The following MAGI2 variants were observed in gnomAD, a reference collection of about 807,000 sequenced individuals.
The protein encoded by MAGI2 is membrane-associated guanylate kinase, WW and PDZ domain-containing protein 2.
MAGI2 carries 35 observed loss-of-function variants against 133.3 expected under a neutral mutation model. The ratio of observed to expected loss-of-function variants is 0.26; its 90% CI spans 0.20 to 0.35. MAGI2 has a LOEUF of 0.35. Ranked by LOEUF, MAGI2 falls within the 10% of genes least tolerant of loss-of-function variation. MAGI2 has a pLI of 1.00. For synonymous variants in MAGI2, 729 were observed against 710.6 expected, an observed-to-expected ratio of 1.03 and a Z score of -0.41; for missense variants, 1,636 against 1,863.4, an observed-to-expected ratio of 0.88 and a Z score of 2.25.
At chr7:78,175,802 G>T (rs976100699) in intron 14 of MAGI2, among the ~76,000 whole-genome samples, 4 of 152,086 alleles carry the variant, frequency 2.6e-5, no homozygotes, top group African/African-American at 9.7e-5. Flanking sequence ...TTCAATTATG[G>T]AGTACTCATG....
intron 1 of MAGI2, among the ~76,000 whole-genome samples, chr7:79,378,924 GTGTATATATATATATATATATATATATA>G (rs1310299901): frequency 3.5e-4 from 17 of 48,232 alleles, no homozygotes; most frequent in South Asian, 2.4e-3. Context: ...ATATGTGTGT[GTGTATATATATATATATATATATATATA>G]TATATATATA....
rs546418152 is a variant in MAGI2, at chr7:78,893,875, A to G, written c.418+113215T>C. 2.6e-5 allele frequency among the ~76,000 whole-genome samples: 4 copies of G among 152,292 alleles called. No individual in the cohort carries two copies. The East Asian group carries it at 7.7e-4, about 29-fold the overall frequency. On this transcript the variant is annotated intron_variant, in intron 2 of 21. Transcript: ENST00000354212. ...CATGTACCCTAAAACTTAAAGTATA[A>G]TAATAATAAAAAAAAGAATTTCCAA...
At chr7:79,041,060 A>G (rs770622779) in intron 1 of MAGI2, among the ~76,000 whole-genome samples, 4 of 152,186 alleles carry the variant, frequency 2.6e-5, no homozygotes, top group Non-Finnish European at 5.9e-5. Flanking sequence ...TGATCATTAC[A>G]CATTCTACAC....
chr7:79,227,318 T>C (rs1289124451), intron 1 of MAGI2, among the ~76,000 whole-genome samples: 1 of 152,174 alleles, frequency 6.6e-6, no homozygotes, highest in African/African-American at 2.4e-5. Flanking sequence ...TAATGTAAAT[T>C]CTCTCCATGC....
intron 1 of MAGI2, among the ~76,000 whole-genome samples, chr7:79,334,641 A>G (rs1258573827): frequency 6.6e-6 from 1 of 152,166 alleles, no homozygotes; most frequent in African/African-American, 2.4e-5. Flanking sequence ...ACTTTTAGAA[A>G]TAGTAATGTT....
chr7:79,344,711 A>T (rs777914692), intron 1 of MAGI2, among the ~76,000 whole-genome samples: 1 of 152,176 alleles, frequency 6.6e-6, no homozygotes, highest in Non-Finnish European at 1.5e-5. Flanking sequence ...ACTAAATGGC[A>T]TACTTAGGAA....
chr7:79,161,658 G>A (rs1824367383), intron 1 of MAGI2, among the ~76,000 whole-genome samples: 1 of 152,010 alleles, frequency 6.6e-6, no homozygotes, highest in Non-Finnish European at 1.5e-5. Flanking sequence ...GTTTGCAAAT[G>A]GTATTTTCAA....
rs928799494 is a variant in MAGI2, at chr7:79,214,763, TATAA to T, written c.302-207561_302-207558del. ...TAAATATATAAATACATATATGATA[TATAA>T]ATAGATAATATAAAAATATATATTA... On this transcript the variant is annotated intron_variant, in intron 1 of 21. Transcript: ENST00000354212. Among the ~76,000 whole-genome samples the T allele has an allele frequency of 6.3e-5, 9 of 141,776 alleles. No homozygotes were observed. The East Asian group carries it at 1.0e-3, about 16-fold the overall frequency. The allele number at this position is 141,776 out of a possible 152,430, so 93.0% of individuals were successfully genotyped here. A position where few individuals can be genotyped will look rare whatever the true frequency, so the allele number is the denominator to read the frequency against.
intron 3 of MAGI2, among the ~76,000 whole-genome samples, chr7:78,569,651 TTTAC>T (rs773158006): frequency 1.4e-4 from 21 of 152,204 alleles, no homozygotes; most frequent in Non-Finnish European, 2.8e-4. Context: ...TTTAAAACTT[TTTAC>T]TTATTCAAAC....
At chr7:79,010,456 G>A (rs1468540998) in intron 1 of MAGI2, among the ~76,000 whole-genome samples, 1 of 152,022 alleles carries the variant, frequency 6.6e-6, no homozygotes, top group Non-Finnish European at 1.5e-5. Flanking sequence ...TTTAAAGCAA[G>A]CTAAAAAATA....
chr7:79,437,406 G>A (rs949140934), intron 1 of MAGI2, among the ~76,000 whole-genome samples: 1 of 151,988 alleles, frequency 6.6e-6, no homozygotes, highest in African/African-American at 2.4e-5. Context: ...TCTTTAAGGT[G>A]TACAGGATGG....
chr7:79,123,630 A>C (rs1366346036), intron 1 of MAGI2, among the ~76,000 whole-genome samples: 3 of 151,904 alleles, frequency 2.0e-5, no homozygotes, highest in Non-Finnish European at 4.4e-5. Flanking sequence ...TACTAAAAAT[A>C]CAAAAATTAG....
rs535814948 is a variant in MAGI2 at position 78,329,510 on chromosome 7, C to A, written c.1408+14268G>T. On this transcript the variant is annotated intron_variant, in intron 9 of 21. Transcript: ENST00000354212. ...ATATACAATTGAACTTTTCACCGAG[C>A]ACTTGCAAACCCATATGACAAGCTA... Among the ~76,000 whole-genome samples the A allele has an allele frequency of 7.2e-5, 11 of 152,290 alleles. No individual in the cohort carries two copies. In the South Asian group the frequency reaches 2.3e-3, roughly 32 times the overall value.
intron 9 of MAGI2, among the ~76,000 whole-genome samples, chr7:78,331,766 T>C (rs6948761): frequency 0.056 from 8,573 of 152,262 alleles, 414 homozygotes; most frequent in African/African-American, 0.12. Flanking sequence ...TGTTATAATG[T>C]CTAGCACCAT....
chr7:79,234,440 C>T (rs555077585), intron 1 of MAGI2, among the ~76,000 whole-genome samples: 193 of 151,818 alleles, frequency 1.3e-3, no homozygotes, highest in African/African-American at 4.1e-3. Flanking sequence ...ACCAATCAGA[C>T]GTAGATTTGG....
intron 1 of MAGI2, among the ~76,000 whole-genome samples, chr7:79,130,171 A>AG (rs58026941): frequency 2.0e-5 from 3 of 150,732 alleles, no homozygotes; most frequent in Non-Finnish European, 4.4e-5. Context: ...AAAAAAAAAA[A>AG]TTAGCTGGCC....
At chr7:78,281,729 C>CCAGGTG in intron 9 of MAGI2, among the ~76,000 whole-genome samples, 2 of 101,398 alleles carry the variant, frequency 2.0e-5, no homozygotes, top group East Asian at 7.2e-4. Flanking sequence ...CAGAAAGCTA[C>CCAGGTG]ACATTATCCT....
chr7:78,394,611 A>C (rs1488728932), intron 6 of MAGI2, among the ~76,000 whole-genome samples: 1 of 152,128 alleles, frequency 6.6e-6, no homozygotes, highest in Non-Finnish European at 1.5e-5. Context: ...GTGTCTGCTG[A>C]CCACCATTCT....
At chr7:78,639,147 T>A (rs1285215883) in intron 2 of MAGI2, among the ~76,000 whole-genome samples, 1 of 152,150 alleles carries the variant, frequency 6.6e-6, no homozygotes, top group African/African-American at 2.4e-5. Flanking sequence ...TGCAATGACA[T>A]TAACTTTTAG....
Sources: gnomAD v4.1 joint callset for allele counts (sites outside exome capture counted in the v4.1 genomes callset) on GRCh38, gnomAD v4.1.1 for gene constraint, MANE v1.5 for transcripts, NCBI Gene and HGNC (gene_info 2026-07-23, HGNC 2026-07-21) for gene names.